The following WIPF3 variants were observed in gnomAD, a reference collection of about 807,000 sequenced individuals.
WIPF3 encodes WAS/WASL interacting protein family member 3, also known as WAS/WASL-interacting protein family member 3.
Under a neutral mutation model 38.9 loss-of-function variants are expected in WIPF3, and 33 were observed. That is an observed-to-expected ratio of 0.85 (90% CI 0.64 to 1.14). The LOEUF is 1.14. Ranked by LOEUF, WIPF3 falls within the 50% of genes most tolerant of loss-of-function variation. WIPF3 has a pLI of 0.00. For synonymous variants in WIPF3, 324 were observed against 269.3 expected (o/e 1.20, Z -1.99); for missense variants, 711 against 652.5 (o/e 1.09, Z -0.98).
intron 8 of WIPF3, among the ~76,000 whole-genome samples, chr7:29,909,015 T>C (rs907134271): frequency 1.3e-5 from 2 of 152,030 alleles, no homozygotes; most frequent in Middle Eastern, 6.9e-3. Context: ...ATTCACAAAT[T>C]TGTAGAAATT....
chr7:29,913,207 A>G (rs894936966), intron 8 of WIPF3, among the ~76,000 whole-genome samples: 2 of 152,096 alleles, frequency 1.3e-5, no homozygotes, highest in East Asian at 3.9e-4. Context: ...TTAGCCAGGC[A>G]TGGTGGCGCA....
intron 7 of WIPF3, among the ~76,000 whole-genome samples, chr7:29,901,281 GGT>G (rs1425945031): frequency 6.6e-6 from 1 of 151,990 alleles, no homozygotes; most frequent in Non-Finnish European, 1.5e-5. Context: ...CTGAGATTCT[GGT>G]GGCATCTCAT....
Position 29,888,101 on chromosome 7 carries a change from C to T in WIPF3, c.1133C>T (p.Ala378Val), listed in dbSNP as rs766645104. ...AGGGKLNPPP[A>V]PPARSPTTEL... ...GGGGGAAAGCTAAATCCACCTCCAG[C>T]ACCCCCTGCGAGATCACCTACCACA... is the stretch of plus-strand genomic sequence containing the variant. The change falls in exon 6 of 9, where the codon GCA becomes GTA. Residue 378 changes from alanine to valine, a missense_variant. Ala to Val is a moderately conservative substitution (Grantham distance 64, BLOSUM62 0). Transcript: ENST00000242140. 1 of 1,613,888 alleles carries T rather than the reference C, an allele frequency of 6.2e-7. No homozygotes were observed. Among genetic ancestry groups the T allele is most frequent in the African/African-American group, 1.3e-5 (1 of 74,930 alleles).
chr7:29,908,908 C>CAA (rs59015755), intron 8 of WIPF3, among the ~76,000 whole-genome samples: 8 of 82,788 alleles, frequency 9.7e-5, no homozygotes, highest in South Asian at 8.2e-4. Flanking sequence ...AACTCCATCT[C>CAA]AAAAAAAAAA....
At chr7:29,831,291 C>G (rs59088575) in intron 1 of WIPF3, among the ~76,000 whole-genome samples, 1 of 152,138 alleles carries the variant, frequency 6.6e-6, no homozygotes, top group Non-Finnish European at 1.5e-5. Context: ...CTCCTAGTGC[C>G]GTTGGCCATG....
At chr7:29,808,795 C>T (rs1784327929) in intron 1 of WIPF3, among the ~76,000 whole-genome samples, 1 of 151,940 alleles carries the variant, frequency 6.6e-6, no homozygotes, top group South Asian at 2.1e-4. Context: ...TTTTAGGAGA[C>T]TTATTGTTCA....
In WIPF3 at chr7:29,838,467, AAAAG is replaced by A. The variant is rs1777456537; in HGVS notation, c.90+3661_90+3664del. On this transcript the variant is annotated intron_variant, in intron 2 of 8. Transcript: ENST00000242140. ...AAAGTATTACTTGTAATAATAACCA[AAAAG>A]AAAGAAACAAAAAACAACCCACATT... Among the ~76,000 whole-genome samples the A allele has an allele frequency of 2.6e-5, 4 of 152,336 alleles. No homozygotes were observed. In the South Asian group the frequency reaches 6.2e-4, roughly 24 times the overall value.
chr7:29,834,939 T>A, intron 2 of WIPF3, 125 bp downstream of exon 2: 1 of 1,133,888 alleles, frequency 8.8e-7, no homozygotes, highest in Non-Finnish European at 1.2e-6. Context: ...GCATCTTAGG[T>A]GGCTGGATCT....
At chr7:29,865,648 C>T (rs1209010495) in intron 2 of WIPF3, among the ~76,000 whole-genome samples, 3 of 152,168 alleles carry the variant, frequency 2.0e-5, no homozygotes, top group Non-Finnish European at 4.4e-5. Flanking sequence ...CACATATGCT[C>T]AGCAGCCTGG....
intron 4 of WIPF3, among the ~76,000 whole-genome samples, chr7:29,883,063 G>A (rs1295665487): frequency 1.3e-5 from 2 of 152,214 alleles, no homozygotes; most frequent in Admixed American, 6.5e-5. Flanking sequence ...TCCTGGGGAC[G>A]TGCTCCACCT....
chr7:29,867,567 C>CTTTT (rs57116279), intron 2 of WIPF3, among the ~76,000 whole-genome samples: 4 of 76,062 alleles, frequency 5.3e-5, no homozygotes, highest in African/African-American at 9.1e-5. Flanking sequence ...CACACCCCAG[C>CTTTT]TTTTTTTTTT....
intron 2 of WIPF3, among the ~76,000 whole-genome samples, chr7:29,845,571 G>A (rs561393398): frequency 2.6e-5 from 4 of 152,260 alleles, no homozygotes; most frequent in East Asian, 1.9e-4. Flanking sequence ...TCCTGAATAC[G>A]GGATCCTGAA....
chr7:29,874,594 G>C (rs1382219513), intron 2 of WIPF3, among the ~76,000 whole-genome samples: 3 of 152,202 alleles, frequency 2.0e-5, no homozygotes, highest in African/African-American at 7.2e-5. Context: ...CTTGCTTTGA[G>C]AAATGATCAG....
chr7:29,866,751 T>A (rs908331002), intron 2 of WIPF3, among the ~76,000 whole-genome samples: 1 of 152,246 alleles, frequency 6.6e-6, no homozygotes, highest in African/African-American at 2.4e-5. Flanking sequence ...CCTTCTCTGA[T>A]GCCCCTTTCC....
chr7:29,846,483 C>T (rs60358340), intron 2 of WIPF3, among the ~76,000 whole-genome samples: 23,281 of 152,154 alleles, frequency 0.15, 1,930 homozygotes, highest in Non-Finnish European at 0.18. Flanking sequence ...GGTGGATCAC[C>T]TGAGGTCAGG....
At chr7:29,863,939 A>G (rs1427653186) in intron 2 of WIPF3, among the ~76,000 whole-genome samples, 1 of 152,164 alleles carries the variant, frequency 6.6e-6, no homozygotes, top group Non-Finnish European at 1.5e-5. Flanking sequence ...TATCAGTTCT[A>G]TGAGTTTTCT....
At chr7:29,888,505 G>GCA (rs200174413) in intron 6 of WIPF3, among the ~76,000 whole-genome samples, 19 of 88,970 alleles carry the variant, frequency 2.1e-4, no homozygotes, top group Non-Finnish European at 2.8e-4. Context: ...GTGTGCGTGT[G>GCA]TGTGCGTGTG....
intron 7 of WIPF3, among the ~76,000 whole-genome samples, chr7:29,890,314 T>A (rs1198243003): frequency 1.3e-5 from 2 of 150,710 alleles, no homozygotes; most frequent in African/African-American, 4.9e-5. Context: ...ATTGTGCCAC[T>A]TCACTCCAGC....
At chr7:29,857,545 G>T (rs902383630) in intron 2 of WIPF3, among the ~76,000 whole-genome samples, 1 of 151,730 alleles carries the variant, frequency 6.6e-6, no homozygotes, top group Admixed American at 6.6e-5. Flanking sequence ...CTCAGTGCAG[G>T]TGTCCACCAA....
Sources: allele counts gnomAD v4.1 joint callset (sites outside exome capture counted in the v4.1 genomes callset), GRCh38; gene constraint gnomAD v4.1.1; transcripts MANE v1.5; gene names NCBI Gene and HGNC (gene_info 2026-07-23, HGNC 2026-07-21).